FNDC3A: variants seen among roughly 807,000 people sequenced by gnomAD.
FNDC3A encodes fibronectin type III domain containing 3A, also known as fibronectin type-III domain-containing protein 3A.
In FNDC3A, 32 loss-of-function variants were observed where a neutral mutation model predicts 148.9. The ratio of observed to expected loss-of-function variants is 0.21; its 90% CI spans 0.16 to 0.29. The LOEUF is 0.29. Ranked by LOEUF, FNDC3A falls within the 10% of genes least tolerant of loss-of-function variation. FNDC3A has a pLI of 1.00. For synonymous variants in FNDC3A, 472 were observed against 473.6 expected, an observed-to-expected ratio of 1.00 and a Z score of 0.04; for missense variants, 1,191 against 1,452.8, an observed-to-expected ratio of 0.82 and a Z score of 2.93.
At chr13:49,203,337 T>G in intron 25 of FNDC3A, 53 bp downstream of exon 25, 1 of 1,358,152 alleles carries the variant, frequency 7.4e-7, no homozygotes. Flanking sequence ...TTTTTTAATT[T>G]TTATGTATTT....
chr13:48,984,215 A>C (rs898655159), intron 1 of FNDC3A, among the ~76,000 whole-genome samples: 1 of 152,214 alleles, frequency 6.6e-6, no homozygotes, highest in Non-Finnish European at 1.5e-5. Flanking sequence ...GTATTCATGA[A>C]TGTGTCAACT....
At chr13:49,064,811 A>G (rs1024127829) in intron 2 of FNDC3A, among the ~76,000 whole-genome samples, 3 of 152,200 alleles carry the variant, frequency 2.0e-5, no homozygotes, top group African/African-American at 7.2e-5. Context: ...AGATGACCAC[A>G]TAACATACAG....
intron 14 of FNDC3A, among the ~76,000 whole-genome samples, chr13:49,181,186 G>A (rs182193306): frequency 5.9e-4 from 90 of 152,330 alleles, no homozygotes; most frequent in Admixed American, 8.5e-4. Flanking sequence ...GAGACAGTAG[G>A]CTGTTGCACA....
At chr13:49,203,333 A>C (rs1171770892) in intron 25 of FNDC3A, 49 bp downstream of exon 25, 2 of 1,388,582 alleles carry the variant, frequency 1.4e-6, no homozygotes, top group Non-Finnish European at 2.0e-6. Flanking sequence ...ACCCTTTTTT[A>C]ATTTTTATGT....
Position 49,071,687 on chromosome 13 carries a change from C to T in FNDC3A, c.100-3602C>T, listed in dbSNP as rs540332077. On this transcript the variant is annotated intron_variant, in intron 2 of 25. Coordinates refer to ENST00000492622, the MANE Select transcript of FNDC3A (RefSeq NM_001079673.2). ...TTGTATGTCTTCTTTTGAGAAATGTCTACTCAGATCTTTTGCCTATTTTTA... is the reference window on the plus strand; with the variant it reads ...TTGTATGTCTTCTTTTGAGAAATGTTTACTCAGATCTTTTGCCTATTTTTA... Among the ~76,000 whole-genome samples the T allele has an allele frequency of 1.0e-4, 15 of 149,034 alleles. No individual in the cohort carries two copies. In the South Asian group the frequency reaches 1.1e-3, roughly 10 times the overall value.
chr13:49,118,954 T>TA (rs1326867904), intron 4 of FNDC3A, among the ~76,000 whole-genome samples: 5 of 152,244 alleles, frequency 3.3e-5, no homozygotes, highest in African/African-American at 1.2e-4. Flanking sequence ...CGTTCCTGCC[T>TA]ACCGGCTCTA....
At chr13:49,010,385 G>A (rs948671853) in intron 2 of FNDC3A, among the ~76,000 whole-genome samples, 3 of 152,116 alleles carry the variant, frequency 2.0e-5, no homozygotes, top group African/African-American at 7.2e-5. Context: ...CTCTGGCCAA[G>A]CCTTTTGTTA....
intron 3 of FNDC3A, among the ~76,000 whole-genome samples, chr13:49,087,227 T>A (rs145812965): frequency 1.9e-4 from 29 of 152,206 alleles, no homozygotes; most frequent in African/African-American, 5.1e-4. Context: ...ATTAAAAAAA[T>A]TTTTTAATGA....
intron 1 of FNDC3A, among the ~76,000 whole-genome samples, chr13:49,005,723 T>C (rs1040193293): frequency 1.5e-4 from 23 of 151,922 alleles, no homozygotes; most frequent in Non-Finnish European, 3.1e-4. Context: ...TGAGGGGGAT[T>C]GAGTCTTCAT....
At chr13:49,187,965 G>A (rs1885675027) in intron 16 of FNDC3A, among the ~76,000 whole-genome samples, 1 of 152,040 alleles carries the variant, frequency 6.6e-6, no homozygotes, top group Admixed American at 6.5e-5. Context: ...TCTTCTGAAG[G>A]TTAGTTTATT....
At position 49,136,501 on chromosome 13, in the gene FNDC3A, A is replaced by C; in HGVS notation, c.660A>C (p.Gly220=). 1.2e-6 allele frequency: 2 copies of C among 1,613,986 alleles called. No homozygotes were observed. The change falls in exon 6 of 26, where the codon GGA becomes GGC. Residue 220 remains glycine, a synonymous_variant. Transcript: ENST00000492622. ...CTTCTCCCATTAATGAACATAATGGACTTATAAAAGGACAAATTGCTGGTG... is the reference window on the plus strand; with the variant it reads ...CTTCTCCCATTAATGAACATAATGGCCTTATAAAAGGACAAATTGCTGGTG... ...KCPSPINEHN[G]LIKGQIAGGI...
At chr13:49,141,122 T>A (rs1882667885) in intron 7 of FNDC3A, among the ~76,000 whole-genome samples, 2 of 152,212 alleles carry the variant, frequency 1.3e-5, no homozygotes, top group South Asian at 4.1e-4. Flanking sequence ...CTCAACTGTG[T>A]ACTTAGGAGT....
intron 2 of FNDC3A, among the ~76,000 whole-genome samples, chr13:49,055,658 A>C (rs116733752): frequency 0.019 from 2,949 of 152,234 alleles, 96 homozygotes; most frequent in African/African-American, 0.066. Flanking sequence ...TGCCAATCAG[A>C]ATATTTTTAA....
chr13:48,981,172 T>G (rs1424706473), intron 1 of FNDC3A, among the ~76,000 whole-genome samples: 1 of 152,126 alleles, frequency 6.6e-6, no homozygotes. Flanking sequence ...TCTTTTTTTG[T>G]GAATGCTTGA....
chr13:49,003,818 C>T (rs1952172256), intron 1 of FNDC3A, among the ~76,000 whole-genome samples: 1 of 152,100 alleles, frequency 6.6e-6, no homozygotes, highest in Non-Finnish European at 1.5e-5. Flanking sequence ...CACCCAGAGT[C>T]TGCAACTGTT....
At chr13:49,159,209 G>T (rs1036067844) in intron 8 of FNDC3A, among the ~76,000 whole-genome samples, 3 of 152,138 alleles carry the variant, frequency 2.0e-5, no homozygotes, top group Non-Finnish European at 2.9e-5. Flanking sequence ...ATTACCTTGG[G>T]CAGTATGGCC....
chr13:49,032,347 T>C (rs1874181236), intron 2 of FNDC3A, among the ~76,000 whole-genome samples: 1 of 152,200 alleles, frequency 6.6e-6, no homozygotes, highest in South Asian at 2.1e-4. Flanking sequence ...GCATTATTTA[T>C]ATTAGCCAAA....
chr13:49,097,317 A>C (rs1239882108), intron 3 of FNDC3A, among the ~76,000 whole-genome samples: 1 of 147,494 alleles, frequency 6.8e-6, no homozygotes, highest in Non-Finnish European at 1.5e-5. Context: ...TTAGCAGTTA[A>C]AAAAAAAAAA....
intron 1 of FNDC3A, among the ~76,000 whole-genome samples, chr13:48,977,331 C>T (rs1951622179): frequency 6.6e-6 from 1 of 152,208 alleles, no homozygotes. Context: ...AATGAAATAA[C>T]AGTTGAACTC....
Sources: allele counts gnomAD v4.1 joint callset (sites outside exome capture counted in the v4.1 genomes callset), GRCh38; gene constraint gnomAD v4.1.1; transcripts MANE v1.5; gene names NCBI Gene and HGNC (gene_info 2026-07-23, HGNC 2026-07-21).